Variants in DMXL1 observed in about 807,000 individuals in gnomAD.
DMXL1 encodes the protein dmX-like protein 1.
Under a neutral mutation model 319.2 loss-of-function variants are expected in DMXL1, and 99 were observed. The observed-to-expected ratio is 0.31, with a 90% CI of 0.26 to 0.37. The LOEUF (loss-of-function observed/expected upper bound fraction) is 0.37. Among genes scored for constraint, DMXL1 ranks in the 10% least tolerant of loss-of-function variants. The pLI is 1.00. For synonymous variants in DMXL1, 1,385 were observed against 1,235.2 expected (o/e 1.12, Z -2.54); for missense variants, 3,745 against 3,595.6 (o/e 1.04, Z -1.06).
chr5:119,119,889 G>T (rs1298391755), intron 8 of DMXL1, among the ~76,000 whole-genome samples: 3 of 151,368 alleles, frequency 2.0e-5, no homozygotes, highest in Non-Finnish European at 4.4e-5. Context: ...TTGTTTTGTT[G>T]TTGTTTTTTG....
At chr5:119,209,295 T>A (rs1300330154) in intron 34 of DMXL1, among the ~76,000 whole-genome samples, 1 of 152,100 alleles carries the variant, frequency 6.6e-6, no homozygotes. Context: ...TTTTCCAAGG[T>A]GGTTGTACCA....
chr5:119,112,370 T>C (rs1168826714), intron 5 of DMXL1, among the ~76,000 whole-genome samples: 2 of 152,196 alleles, frequency 1.3e-5, no homozygotes, highest in Non-Finnish European at 2.9e-5. Flanking sequence ...CAACAAATAT[T>C]TGTTGAATGG....
chr5:119,102,199 A>G (rs1757420622), intron 3 of DMXL1, 193 bp downstream of exon 3: 1 of 402,268 alleles, frequency 2.5e-6, no homozygotes, highest in Non-Finnish European at 4.5e-6. Context: ...AATTGTGCCA[A>G]TGAATTGTTG....
chr5:119,100,360 C>T lies in DMXL1; in HGVS notation c.214-1575C>T, dbSNP rs376281180. ...CTGAGGCAGGAGAATCGCTTGAACC[C>T]GGGAGGCAGAGGTTGCAGTGAGCTG... On this transcript the variant is annotated intron_variant, in intron 2 of 43. Transcript: ENST00000539542. 1.1e-3 allele frequency among the ~76,000 whole-genome samples: 167 copies of T among 151,404 alleles called. 1 individual carries two copies. The highest frequency in any genetic ancestry group is 3.6e-3 in the African/African-American group (148 of 41,270).
In DMXL1 at chr5:119,146,956, G is replaced by T; in HGVS notation, c.2689G>T (p.Asp897Tyr). Reference protein sequence around the residue: ...LHLKSIPVSLDEKVDTKLSEA... With the variant: ...LHLKSIPVSLYEKVDTKLSEA... ...TCTAAAGTCAATTCCTGTCTCATTA[G>T]GTGAGTCTTTTGTGTGTGTGTTTGT... Residue 897 changes from aspartate (D) to tyrosine (Y), a missense_variant and splice_region_variant, in exon 16 of 44, where the codon GAT becomes TAT. By Grantham distance (160) the Asp-to-Tyr change is radical. Around this residue, in one of 4 missense-constraint regions of DMXL1, gnomAD observed 2,096 missense variants for 1,985.4 expected, o/e 1.06. Coordinates refer to ENST00000539542, the MANE Select transcript of DMXL1 (RefSeq NM_001290321.3). The T allele has an allele frequency of 1.9e-6, 3 of 1,611,876 alleles. No individual in the cohort carries two copies. The highest frequency in any genetic ancestry group is 2.5e-6 in the Non-Finnish European group (3 of 1,179,012).
At chr5:119,213,529 A>T (rs2150531781) in intron 34 of DMXL1, among the ~76,000 whole-genome samples, 1 of 152,352 alleles carries the variant, frequency 6.6e-6, no homozygotes, top group East Asian at 1.9e-4. Context: ...GCCTTTAAAA[A>T]ATACTCCATT....
At chr5:119,220,734 C>A in intron 36 of DMXL1, 141 bp downstream of exon 36, 1 of 1,202,712 alleles carries the variant, frequency 8.3e-7, no homozygotes, top group African/African-American at 1.5e-5. Context: ...TGAGGGGTGG[C>A]AAGAGCTTTA....
At chr5:119,125,071 A>AATTTAC (rs1234072557) in intron 9 of DMXL1, among the ~76,000 whole-genome samples, 1 of 152,162 alleles carries the variant, frequency 6.6e-6, no homozygotes, top group Non-Finnish European at 1.5e-5. Context: ...AGATACATTA[A>AATTTAC]ATTTACCGTT....
intron 43 of DMXL1, among the ~76,000 whole-genome samples, chr5:119,245,133 TACTC>T (rs1789511588): frequency 6.6e-6 from 1 of 152,200 alleles, no homozygotes; most frequent in East Asian, 1.9e-4. Context: ...ACTCCAGAAA[TACTC>T]AGTTGATAAG....
intron 9 of DMXL1, chr5:119,128,019 T>A: frequency 2.4e-6 from 1 of 415,954 alleles, no homozygotes; most frequent in Non-Finnish European, 4.8e-6. Flanking sequence ...ACATCTGTTT[T>A]ATCATGATTC....
chr5:119,179,888 T>G (rs550647615), intron 28 of DMXL1, among the ~76,000 whole-genome samples: 110 of 152,278 alleles, frequency 7.2e-4, no homozygotes, highest in African/African-American at 2.4e-3. Flanking sequence ...CAAATTCAGT[T>G]TATAACTTTC....
At position 119,118,903 on chromosome 5, in the gene DMXL1, C is replaced by G. The variant is rs1261505019; in HGVS notation, c.832C>G (p.Leu278Val). The part of the protein sequence containing the change: ...VETFLPNDCL[L>V]YGGDCSHWTE... ...GACATTTTTACCAAATGATTGTTTG[C>G]TATACGGAGGTGACTGCAGCCATTG... Residue 278 changes from leucine to valine, a missense_variant, in exon 8 of 44, where the codon CTA (leucine) becomes GTA (valine). Coordinates refer to ENST00000539542, the MANE Select transcript of DMXL1 (RefSeq NM_001290321.3). 1 of 1,613,648 alleles carries G rather than the reference C, an allele frequency of 6.2e-7. No homozygotes were observed. The highest frequency in any genetic ancestry group is 8.5e-7 in the Non-Finnish European group (1 of 1,179,760).
chr5:119,137,300 G>T (rs555062419), intron 13 of DMXL1, among the ~76,000 whole-genome samples: 1 of 152,178 alleles, frequency 6.6e-6, no homozygotes, highest in Non-Finnish European at 1.5e-5. Flanking sequence ...GCCTGTGCTC[G>T]CATTGTATCT....
chr5:119,235,615 G>A (rs911037943), intron 39 of DMXL1, among the ~76,000 whole-genome samples: 1 of 152,128 alleles, frequency 6.6e-6, no homozygotes, highest in South Asian at 2.1e-4. Context: ...GGCCTACCAA[G>A]TATTGAGAAG....
intron 10 of DMXL1, among the ~76,000 whole-genome samples, chr5:119,132,251 AT>A (rs1302567582): frequency 6.6e-6 from 1 of 152,210 alleles, no homozygotes; most frequent in East Asian, 1.9e-4. Flanking sequence ...GCTCTTTATT[AT>A]TATAAGGTGG....
At chr5:119,100,851 C>A (rs1336280711) in intron 2 of DMXL1, among the ~76,000 whole-genome samples, 2 of 133,762 alleles carry the variant, frequency 1.5e-5, no homozygotes, top group African/African-American at 5.5e-5. Context: ...GTGAACTCGG[C>A]TCACTGCAAG....
Position 119,147,368 on chromosome 5 carries a change from C to A in DMXL1, c.2809C>A (p.Leu937Ile), listed in dbSNP as rs772512494. ...AAAGTATCAGGCTTGCAGAGCAAAT[C>A]TCCAGAGTACCAGCAGGTTGACTCT... ...SQKYQACRAN[L>I]QSTSRLTLFS... The change falls in exon 17 of 44, where the codon CTC becomes ATC. Residue 937 changes from leucine (L) to isoleucine (I), a missense_variant. Coordinates refer to ENST00000539542, the MANE Select transcript of DMXL1 (RefSeq NM_001290321.3). 1 of 1,613,398 alleles carries A rather than the reference C, an allele frequency of 6.2e-7. No individual in the cohort carries two copies. The highest frequency in any genetic ancestry group is 8.5e-7 in the Non-Finnish European group (1 of 1,179,588).
Position 119,196,421 on chromosome 5 carries a change from A to C in DMXL1, c.7508A>C (p.Lys2503Thr). ...GTGCAATTGGTGCTCAACAATTTGA[A>C]GACTTTTTATCCCTTCGCAGGTCAT... ...AMVQLVLNNLKTFYPFAGHDL... is the reference protein window; with the variant it reads ...AMVQLVLNNLTTFYPFAGHDL... The change falls in exon 31 of 44, where the codon AAG becomes ACG. Residue 2503 changes from lysine to threonine, a missense_variant. By Grantham distance (78) the Lys-to-Thr change is moderately conservative. This residue lies in a region of DMXL1 where 1,382 missense variants were observed against 1,269.5 expected (regional missense o/e 1.09). Transcript: ENST00000539542. The C allele has an allele frequency of 6.2e-7, 1 of 1,613,680 alleles. No homozygotes were observed. Among genetic ancestry groups the C allele is most frequent in the Non-Finnish European group, 8.5e-7 (1 of 1,179,834 alleles).
rs367641326 is a variant in DMXL1, at chr5:119,122,645, C to T, written c.1102+1506C>T. On this transcript the variant is annotated intron_variant, in intron 9 of 43. Transcript: ENST00000539542. ...CTCAGACGGGGCGGCCGGGCAGAGA[C>T]GCCCTTCCCCTCCCAGACGGGGTCG... 2.6e-4 allele frequency among the ~76,000 whole-genome samples: 39 copies of T among 150,488 alleles called. 2 individuals carry two copies. In the South Asian group the frequency reaches 2.8e-3, roughly 11 times the overall value.
Sources: gnomAD v4.1 joint callset for allele counts (sites outside exome capture counted in the v4.1 genomes callset) on GRCh38, gnomAD v4.1.1 for gene constraint, gnomAD v4.1.1 regional missense constraint, MANE v1.5 for transcripts, NCBI Gene and HGNC (gene_info 2026-07-23, HGNC 2026-07-21) for gene names.